Variants in LRIG3 observed in about 807,000 individuals in gnomAD.
LRIG3 encodes the protein leucine-rich repeats and immunoglobulin-like domains protein 3.
In LRIG3, 76 loss-of-function variants were observed where a neutral mutation model predicts 114.5. The observed-to-expected ratio is 0.66, with a 90% CI of 0.55 to 0.80. The LOEUF (loss-of-function observed/expected upper bound fraction) is 0.80. Ranked by LOEUF, LRIG3 falls within the 30% of genes least tolerant of loss-of-function variation. The pLI is 0.00. For synonymous variants in LRIG3, 512 were observed against 519.8 expected, an observed-to-expected ratio of 0.98 and a Z score of 0.20; for missense variants, 1,239 against 1,382.8, an observed-to-expected ratio of 0.90 and a Z score of 1.65.
intron 1 of LRIG3, 103 bp downstream of exon 1, chr12:58,919,897 C>T (rs2121004631): frequency 1.0e-5 from 12 of 1,185,104 alleles, no homozygotes; most frequent in Admixed American, 2.1e-5. Context: ...AGGAGCTATA[C>T]GGCAAAAAGG....
chr12:58,874,336 T>C lies in LRIG3; in HGVS notation c.2840-6A>G, dbSNP rs151124358. The C allele has an allele frequency of 6.2e-7, 1 of 1,606,756 alleles. No individual in the cohort carries two copies. The highest frequency in any genetic ancestry group is 1.7e-5 in the Admixed American group (1 of 58,766). On this transcript the variant is annotated splice_region_variant and splice_polypyrimidine_tract_variant and intron_variant, in intron 17 of 18. Coordinates refer to ENST00000320743, the MANE Select transcript of LRIG3 (RefSeq NM_153377.5). ...TCTTGGGTCAGGACTGCAACCTTTTTAATATGGGGGCAGTAACAGAAGGAG... is the reference window on the plus strand; with the variant it reads ...TCTTGGGTCAGGACTGCAACCTTTTCAATATGGGGGCAGTAACAGAAGGAG...
chr12:58,875,424 T>C lies in LRIG3; in HGVS notation c.2696-851A>G, dbSNP rs76361444. ...TTAGTTTATCCACCTCTGACGAAAC[T>C]GTGAAATTGAAAACATATACTTCTC... On this transcript the variant is annotated intron_variant, in intron 16 of 18. Coordinates refer to ENST00000320743, the MANE Select transcript of LRIG3 (RefSeq NM_153377.5). Among the ~76,000 whole-genome samples the C allele has an allele frequency of 6.0e-3, 909 of 152,206 alleles. 10 individuals are homozygous for C. The highest frequency in any genetic ancestry group is 0.021 in the African/African-American group (882 of 41,436).
rs559425926 is a variant in LRIG3 at position 58,890,469 on chromosome 12, A to G, written c.515+196T>C. Among the ~76,000 whole-genome samples the G allele has an allele frequency of 6.6e-5, 10 of 152,326 alleles. No homozygotes were observed. In the South Asian group the frequency reaches 1.9e-3, roughly 28 times the overall value. ...CCATCTAGGTTTTCTAATAAAAAAT[A>G]TGTAATTTTTTGTAATCTAAAAGTG... is the stretch of plus-strand genomic sequence containing the variant. On this transcript the variant is annotated intron_variant, in intron 4 of 18. Coordinates refer to ENST00000320743, the MANE Select transcript of LRIG3 (RefSeq NM_153377.5).
At chr12:58,896,547 C>T (rs994379329) in intron 3 of LRIG3, among the ~76,000 whole-genome samples, 1 of 152,218 alleles carries the variant, frequency 6.6e-6, no homozygotes, top group Non-Finnish European at 1.5e-5. Context: ...ACACGGATAA[C>T]AGGCAGCTTA....
chr12:58,878,005 C>CA (rs150956465), intron 14 of LRIG3, among the ~76,000 whole-genome samples, 153 bp from the exon 15 acceptor site: 2,838 of 152,270 alleles, frequency 0.019, 75 homozygotes, highest in African/African-American at 0.065. Flanking sequence ...ACATATACAA[C>CA]ATTCAGTATT....
At chr12:58,889,600 C>T (rs567987439) in intron 5 of LRIG3, among the ~76,000 whole-genome samples, 2 of 151,974 alleles carry the variant, frequency 1.3e-5, no homozygotes, top group Non-Finnish European at 2.9e-5. Flanking sequence ...GTTCACAGAT[C>T]GCTCTACCAT....
intron 1 of LRIG3, among the ~76,000 whole-genome samples, chr12:58,914,768 C>A (rs1392509658): frequency 6.6e-6 from 1 of 152,224 alleles, no homozygotes; most frequent in East Asian, 1.9e-4. Context: ...GTCCTTATTG[C>A]AGTCAAGGAA....
In LRIG3 at chr12:58,883,601, C is replaced by A; in HGVS notation, c.1245-10G>T. ...GTTGTCACTCAGGTCTCTGAAAAAT[C>A]ACCAAATCAAATGCATCAGAGCAAA... On this transcript the variant is annotated splice_polypyrimidine_tract_variant and intron_variant, in intron 10 of 18. Coordinates refer to ENST00000320743, the MANE Select transcript of LRIG3 (RefSeq NM_153377.5). The A allele has an allele frequency of 6.5e-7, 1 of 1,536,994 alleles. No individual in the cohort carries two copies. Among genetic ancestry groups the A allele is most frequent in the Non-Finnish European group, 8.9e-7 (1 of 1,126,400 alleles).
At chr12:58,910,615 A>G (rs1872240872) in intron 3 of LRIG3, among the ~76,000 whole-genome samples, 1 of 152,142 alleles carries the variant, frequency 6.6e-6, no homozygotes, top group Admixed American at 6.5e-5. Flanking sequence ...CTCAAAAAAA[A>G]ACAAAAACAA....
At chr12:58,884,552 C>T (rs1256805514) in intron 10 of LRIG3, among the ~76,000 whole-genome samples, 1 of 152,190 alleles carries the variant, frequency 6.6e-6, no homozygotes, top group Non-Finnish European at 1.5e-5. Flanking sequence ...ACCCTTTTGG[C>T]TAGTTTTCTT....
intron 10 of LRIG3, among the ~76,000 whole-genome samples, chr12:58,884,166 C>T (rs1182153885): frequency 6.6e-6 from 1 of 152,174 alleles, no homozygotes; most frequent in Non-Finnish European, 1.5e-5. Context: ...ATTCTGTCAC[C>T]CACAGCTCAC....
chr12:58,905,886 T>A (rs528835275), intron 3 of LRIG3, among the ~76,000 whole-genome samples: 17 of 152,338 alleles, frequency 1.1e-4, no homozygotes, highest in Admixed American at 7.8e-4. Flanking sequence ...AAATTCCTTT[T>A]CTTCATAAAT....
At chr12:58,914,841 ATTATT>A (rs1872417836) in intron 1 of LRIG3, among the ~76,000 whole-genome samples, 1 of 152,222 alleles carries the variant, frequency 6.6e-6, no homozygotes, top group Non-Finnish European at 1.5e-5. Context: ...CATTTAAAGC[ATTATT>A]TTGTGTGTGA....
At chr12:58,912,232 C>T (rs573519054) in intron 3 of LRIG3, among the ~76,000 whole-genome samples, 44 of 152,316 alleles carry the variant, frequency 2.9e-4, no homozygotes, top group African/African-American at 9.9e-4. Context: ...CGCAGTGGCT[C>T]ACACCTGCAA....
intron 7 of LRIG3, 135 bp from the exon 8 acceptor site, chr12:58,888,067 A>G: frequency 2.5e-6 from 2 of 813,710 alleles, no homozygotes; most frequent in South Asian, 4.5e-5. Flanking sequence ...ATCCAAGTAA[A>G]TATTTCTAAT....
At chr12:58,915,669 A>G (rs952227770) in intron 1 of LRIG3, among the ~76,000 whole-genome samples, 1 of 152,228 alleles carries the variant, frequency 6.6e-6, no homozygotes, top group Non-Finnish European at 1.5e-5. Flanking sequence ...AATCTGGCAC[A>G]GTCTTTAAAC....
intron 3 of LRIG3, among the ~76,000 whole-genome samples, chr12:58,907,789 T>C (rs10506358): frequency 0.06 from 9,131 of 152,234 alleles, 860 homozygotes; most frequent in African/African-American, 0.2. Context: ...TCTCTTCTAA[T>C]GCACAAGGGC....
At chr12:58,903,881 T>A (rs1034634212) in intron 3 of LRIG3, among the ~76,000 whole-genome samples, 5 of 152,056 alleles carry the variant, frequency 3.3e-5, no homozygotes, top group Non-Finnish European at 5.9e-5. Flanking sequence ...GTTGTAGATA[T>A]GCGGCGTTAT....
intron 8 of LRIG3, chr12:58,887,134 A>G: frequency 2.2e-6 from 1 of 447,494 alleles, no homozygotes. Flanking sequence ...TAATTCCTCT[A>G]TCAAAATGAC....
Sources: gnomAD v4.1 joint callset for allele counts (sites outside exome capture counted in the v4.1 genomes callset) on GRCh38, gnomAD v4.1.1 for gene constraint, MANE v1.5 for transcripts, NCBI Gene and HGNC (gene_info 2026-07-23, HGNC 2026-07-21) for gene names.